PRKD1: variants seen among roughly 807,000 people sequenced by gnomAD.
The protein encoded by PRKD1 is protein kinase D1, also known as serine/threonine-protein kinase D1.
PRKD1 carries 63 observed loss-of-function variants against 95.9 expected under a neutral mutation model. The observed-to-expected ratio is 0.66, with a 90% CI of 0.54 to 0.81. The LOEUF (loss-of-function observed/expected upper bound fraction) is 0.81. Among genes scored for constraint, PRKD1 ranks in the 30% least tolerant of loss-of-function variants. PRKD1 has a pLI of 0.00. For synonymous variants in PRKD1, 425 were observed against 423.1 expected (o/e 1.00, Z -0.05); for missense variants, 1,048 against 1,165.3 (o/e 0.90, Z 1.47).
At chr14:29,618,647 T>A (rs1879034363) in intron 13 of PRKD1, among the ~76,000 whole-genome samples, 1 of 152,146 alleles carries the variant, frequency 6.6e-6, no homozygotes. Context: ...TGGCATGAGA[T>A]GTAAATGATA....
chr14:29,723,670 C>CGGT (rs1555339002), intron 2 of PRKD1, among the ~76,000 whole-genome samples: 1 of 149,542 alleles, frequency 6.7e-6, no homozygotes, highest in Non-Finnish European at 1.5e-5. Context: ...ATTGAGTGTG[C>CGGT]GTGTGTGTGT....
At chr14:29,713,225 G>A (rs8010448) in intron 2 of PRKD1, among the ~76,000 whole-genome samples, 4,993 of 152,180 alleles carry the variant, frequency 0.033, 160 homozygotes, top group African/African-American at 0.079. Flanking sequence ...TGACCTCTTA[G>A]TAAAAAAGAG....
At chr14:29,613,825 C>G (rs976344231) in intron 13 of PRKD1, among the ~76,000 whole-genome samples, 1 of 152,164 alleles carries the variant, frequency 6.6e-6, no homozygotes, top group East Asian at 1.9e-4. Context: ...AAAGCAGTCT[C>G]CAATCTAAGG....
At chr14:29,864,006 T>C (rs1216523601) in intron 1 of PRKD1, among the ~76,000 whole-genome samples, 2 of 152,136 alleles carry the variant, frequency 1.3e-5, no homozygotes, top group Non-Finnish European at 2.9e-5. Context: ...TGATATTGTG[T>C]GCGGTAAAAA....
chr14:29,700,784 C>T (rs1375735710), intron 2 of PRKD1, among the ~76,000 whole-genome samples: 1 of 152,100 alleles, frequency 6.6e-6, no homozygotes, highest in Admixed American at 6.6e-5. Flanking sequence ...ACTGACCTCC[C>T]CTGAAGAAGA....
rs115112147 is a variant in PRKD1, at chr14:29,701,189, G to A, written c.403+24347C>T. Among the ~76,000 whole-genome samples the A allele has an allele frequency of 4.6e-3, 696 of 152,204 alleles. 12 individuals are homozygous for A. Among genetic ancestry groups the A allele is most frequent in the African/African-American group, 0.016 (647 of 41,524 alleles). ...TTACCAAAGTTTTATCTAAAACTGAGGCTCTTGAAGTATGATTCTCAGACT... is the reference window on the plus strand; with the variant it reads ...TTACCAAAGTTTTATCTAAAACTGAAGCTCTTGAAGTATGATTCTCAGACT... On this transcript the variant is annotated intron_variant, in intron 2 of 17. Coordinates refer to ENST00000331968, the MANE Select transcript of PRKD1 (RefSeq NM_002742.3).
chr14:29,622,535 C>T (rs1391821462), intron 13 of PRKD1, among the ~76,000 whole-genome samples: 2 of 151,596 alleles, frequency 1.3e-5, no homozygotes, highest in East Asian at 2.0e-4. Context: ...TCAGAGTAGC[C>T]GGGACTACAG....
chr14:29,658,450 G>T (rs780792764), intron 4 of PRKD1, among the ~76,000 whole-genome samples: 4 of 151,988 alleles, frequency 2.6e-5, no homozygotes, highest in Non-Finnish European at 5.9e-5. Flanking sequence ...AAATTTGGAT[G>T]AACCAAGAAG....
chr14:29,768,724 A>C (rs946949951), intron 1 of PRKD1, among the ~76,000 whole-genome samples: 2 of 151,662 alleles, frequency 1.3e-5, no homozygotes, highest in African/African-American at 2.4e-5. Flanking sequence ...AAAAAAAAAC[A>C]ACCAAAGCAA....
chr14:29,800,452 A>G (rs536797194), intron 1 of PRKD1, among the ~76,000 whole-genome samples: 1 of 152,282 alleles, frequency 6.6e-6, no homozygotes, highest in African/African-American at 2.4e-5. Context: ...CTGATTTGCA[A>G]TTGACAAAAA....
At chr14:29,727,392 T>G (rs528476494) in intron 1 of PRKD1, among the ~76,000 whole-genome samples, 7 of 144,826 alleles carry the variant, frequency 4.8e-5, no homozygotes, top group Non-Finnish European at 9.3e-5. Flanking sequence ...AGAAGCTCTT[T>G]AGTTAATTAG....
At chr14:29,725,344 T>C (rs556925726) in intron 2 of PRKD1, among the ~76,000 whole-genome samples, 192 bp downstream of exon 2, 1 of 152,280 alleles carries the variant, frequency 6.6e-6, no homozygotes, top group Admixed American at 6.5e-5. Flanking sequence ...ATTGGAGCAG[T>C]ACTGGGTGTG....
intron 1 of PRKD1, among the ~76,000 whole-genome samples, chr14:29,848,120 C>T (rs1357716240): frequency 2.0e-5 from 3 of 152,234 alleles, no homozygotes; most frequent in African/African-American, 4.8e-5. Flanking sequence ...CACACCCAGT[C>T]CTATGGCAGG....
At chr14:29,807,043 G>GA (rs144675730) in intron 1 of PRKD1, among the ~76,000 whole-genome samples, 2,104 of 149,234 alleles carry the variant, frequency 0.014, 49 homozygotes, top group African/African-American at 0.048. Context: ...ATGCCTCAAT[G>GA]AAAAAAAAAA....
chr14:29,620,999 T>C, intron 13 of PRKD1, among the ~76,000 whole-genome samples: 1 of 151,924 alleles, frequency 6.6e-6, no homozygotes, highest in Admixed American at 6.6e-5. Flanking sequence ...ATGACTAGAA[T>C]ACTATGCAGC....
chr14:29,586,651 GT>G (rs1318212885), intron 16 of PRKD1, among the ~76,000 whole-genome samples: 1 of 151,880 alleles, frequency 6.6e-6, no homozygotes, highest in Non-Finnish European at 1.5e-5. Flanking sequence ...TTTTTTGTTT[GT>G]TTTTTTGAGA....
intron 2 of PRKD1, among the ~76,000 whole-genome samples, chr14:29,676,895 G>A (rs1883258258): frequency 6.6e-6 from 1 of 152,140 alleles, no homozygotes; most frequent in Non-Finnish European, 1.5e-5. Flanking sequence ...CTGGCCACAT[G>A]TTGTTATTCC....
intron 16 of PRKD1, among the ~76,000 whole-genome samples, chr14:29,579,852 C>G (rs942094609): frequency 6.6e-6 from 1 of 152,160 alleles, no homozygotes; most frequent in Non-Finnish European, 1.5e-5. Flanking sequence ...ATACAGTACT[C>G]AGTACATTTT....
chr14:29,891,218 T>C (rs1389731372), intron 1 of PRKD1, among the ~76,000 whole-genome samples: 8 of 152,218 alleles, frequency 5.3e-5, no homozygotes, highest in Non-Finnish European at 1.0e-4. Flanking sequence ...TTTTCACTGA[T>C]GTGGCAGAGG....
Sources: gnomAD v4.1 joint callset for allele counts (sites outside exome capture counted in the v4.1 genomes callset) on GRCh38, gnomAD v4.1.1 for gene constraint, MANE v1.5 for transcripts, NCBI Gene and HGNC (gene_info 2026-07-23, HGNC 2026-07-21) for gene names.